The following COPZ2 variants were observed in gnomAD, a reference collection of about 807,000 sequenced individuals.
COPZ2 encodes coat protein complex I subunit zeta 2.
COPZ2 carries 30 observed loss-of-function variants against 33.2 expected under a neutral mutation model. The observed-to-expected ratio is 0.90, with a 90% confidence interval of 0.68 to 1.23. The LOEUF (loss-of-function observed/expected upper bound fraction) is 1.23. Ranked by LOEUF, COPZ2 falls within the 50% of genes most tolerant of loss-of-function variation. The pLI, the probability that COPZ2 is intolerant of heterozygous loss-of-function variation, is 0.00. For synonymous variants in COPZ2, 89 were observed against 102.6 expected (o/e 0.87, Z 0.80); for missense variants, 263 against 262.4 (o/e 1.00, Z -0.02).
intron 5 of COPZ2, 95 bp from the exon 6 acceptor site, chr17:48,032,328 C>G (rs1297118779): frequency 3.0e-6 from 3 of 1,013,370 alleles, no homozygotes; most frequent in Non-Finnish European, 3.0e-6. Flanking sequence ...AAGACTGCCT[C>G]ATTCACCCCT....
upstream of COPZ2, among the ~76,000 whole-genome samples, chr17:48,039,809 T>C (rs905513982): frequency 5.3e-5 from 8 of 152,134 alleles, no homozygotes; most frequent in Admixed American, 3.9e-4. Flanking sequence ...GGTGTGATCA[T>C]AGTTCACCGC....
At chr17:48,032,097 G>A in intron 6 of COPZ2, 59 bp downstream of exon 6, 1 of 1,406,138 alleles carries the variant, frequency 7.1e-7, no homozygotes. Context: ...GTGCCATCTG[G>A]GGCTGATGAT....
intron 2 of COPZ2, 123 bp downstream of exon 2, chr17:48,036,728 G>C (rs984154356): frequency 2.5e-6 from 2 of 787,240 alleles, no homozygotes; most frequent in African/African-American, 3.4e-5. Flanking sequence ...AGGATGAGAA[G>C]GACCTCTGGA....
Position 48,028,710 on chromosome 17 carries a change from G to T in COPZ2, c.547-200C>A. 2 of 594,134 alleles carry T rather than the reference G, an allele frequency of 3.4e-6. No individual in the cohort carries two copies. The highest frequency in any genetic ancestry group is 5.7e-5 in the East Asian group (2 of 35,288). 36.8% of individuals were successfully genotyped at this position (594,134 alleles called of 1,614,324 possible). ...AGGACCTCTGGGATTGTGCTATGGT[G>T]CGTGGAGGGTGAGGGAAGATGGGAA... On this transcript the variant is annotated intron_variant, in intron 7 of 8. Coordinates refer to ENST00000621465, the MANE Select transcript of COPZ2 (RefSeq NM_016429.4). The surrounding 1 kb of genome is among the most constrained non-coding windows in gnomAD (Gnocchi z 4.5).
At chr17:48,039,148 ATTTTTTTAT>A (rs2037035599), upstream of COPZ2, among the ~76,000 whole-genome samples, 1 of 151,542 alleles carries the variant, frequency 6.6e-6, no homozygotes, top group Admixed American at 6.6e-5. Context: ...GTAATTTTTT[ATTTTTTTAT>A]TTTTTTTATT....
intron 6 of COPZ2, among the ~76,000 whole-genome samples, chr17:48,029,990 A>C (rs1225753893): frequency 6.8e-6 from 1 of 146,664 alleles, no homozygotes; most frequent in African/African-American, 2.5e-5. Flanking sequence ...TTTTTTTTTA[A>C]ATCTTCCCTT....
Position 48,037,238 on chromosome 17 carries a change from G to C in COPZ2, c.112-313C>G. On this transcript the variant is annotated intron_variant, in intron 1 of 8. Coordinates refer to ENST00000621465, the MANE Select transcript of COPZ2 (RefSeq NM_016429.4). The surrounding 1 kb of genome is among the most constrained non-coding windows in gnomAD (Gnocchi z 5.6). ...CGGAGTGTATCACAGAACCTGGGCC[G>C]GGGGGGACAGCGGGCCGAGCCTCCT... The C allele has an allele frequency of 7.0e-6, 4 of 572,564 alleles. No homozygotes were observed. The highest frequency in any genetic ancestry group is 3.1e-5 in the South Asian group (2 of 63,880). The allele number at this position is 572,564 out of a possible 1,614,324, so 35.5% of individuals were successfully genotyped here.
At position 48,028,413 on chromosome 17, in the gene COPZ2, C is replaced by T; in HGVS notation, c.585+59G>A. ...GGTCCCCCTAGGATGCTCTAGGATG[C>T]TCTGCTCCCCGTATCTCTCTAGACC... On this transcript the variant is annotated intron_variant, in intron 8 of 8. Coordinates refer to ENST00000621465, the MANE Select transcript of COPZ2 (RefSeq NM_016429.4). The surrounding 1 kb of genome is among the most constrained non-coding windows in gnomAD (Gnocchi z 4.5). 1 of 1,545,690 alleles carries T rather than the reference C, an allele frequency of 6.5e-7. No homozygotes were observed. Among genetic ancestry groups the T allele is most frequent in the Non-Finnish European group, 8.8e-7 (1 of 1,136,972 alleles).
intron 2 of COPZ2, among the ~76,000 whole-genome samples, chr17:48,035,418 T>C (rs891320357): frequency 1.3e-5 from 2 of 152,180 alleles, no homozygotes; most frequent in Admixed American, 6.6e-5. Flanking sequence ...TTTTTTGGGA[T>C]GGGGTCTCAC....
At chr17:48,040,391 C>T (rs2037050014), upstream of COPZ2, among the ~76,000 whole-genome samples, 1 of 150,318 alleles carries the variant, frequency 6.7e-6, no homozygotes, top group African/African-American at 2.5e-5. Context: ...TTGTCTTGTT[C>T]ACTGTGGAAT....
the COPZ2 span, among the ~76,000 whole-genome samples, chr17:48,044,403 C>CTTT: frequency 0.08 from 8,117 of 101,508 alleles, 533 homozygotes; most frequent in East Asian, 0.16. Context: ...CAATCTTTTG[C>CTTT]TTTTTTTTTT....
At position 48,026,329 on chromosome 17, in the gene COPZ2, T is replaced by TG. The variant is rs1263564517; in HGVS notation, c.*98dup. The TG allele has an allele frequency of 1.1e-6, 1 of 941,314 alleles. No individual in the cohort carries two copies. The highest frequency in any genetic ancestry group is 2.0e-5 in the Admixed American group (1 of 48,832). 58.3% of individuals were successfully genotyped at this position (941,314 alleles called of 1,614,324 possible). On this transcript the variant is annotated 3_prime_UTR_variant, in exon 9 of 9. Coordinates refer to ENST00000621465, the MANE Select transcript of COPZ2 (RefSeq NM_016429.4). ...TTAGGAGTCAGTTCTGGGAGGGACCTGGGGATACAGAGGGGTCTCTCCTGA... is the reference window on the plus strand; with the variant it reads ...TTAGGAGTCAGTTCTGGGAGGGACCTGGGGGATACAGAGGGGTCTCTCCTGA...
chr17:48,042,175 C>T (rs563905728), upstream of COPZ2, among the ~76,000 whole-genome samples: 1 of 152,022 alleles, frequency 6.6e-6, no homozygotes, highest in South Asian at 2.1e-4. Context: ...CTCTTGTTGC[C>T]CAGGCTGGAG....
intron 6 of COPZ2, among the ~76,000 whole-genome samples, chr17:48,030,687 C>T (rs549789793): frequency 1.3e-5 from 2 of 152,364 alleles, no homozygotes; most frequent in East Asian, 1.9e-4. Context: ...CCAGTTTAGG[C>T]GTTGCCTCCC....
At chr17:48,042,464 ATCTTT>A (rs1352115477), upstream of COPZ2, among the ~76,000 whole-genome samples, 6 of 136,976 alleles carry the variant, frequency 4.4e-5, no homozygotes, top group African/African-American at 1.4e-4. Context: ...ATCTCTTTAC[ATCTTT>A]TCTTTTTTTT....
At chr17:48,035,885 C>A (rs774897154) in intron 2 of COPZ2, among the ~76,000 whole-genome samples, 22 of 151,506 alleles carry the variant, frequency 1.5e-4, no homozygotes, top group Non-Finnish European at 2.5e-4. Flanking sequence ...TCTCGAGTAG[C>A]TGGGATTACA....
intron 6 of COPZ2, among the ~76,000 whole-genome samples, chr17:48,029,840 A>G (rs1424495236): frequency 6.6e-6 from 1 of 152,010 alleles, no homozygotes; most frequent in Non-Finnish European, 1.5e-5. Context: ...ATGGTGGCAC[A>G]CATTGTAATT....
chr17:48,033,864 C>A lies in COPZ2; in HGVS notation c.267G>T (p.Glu89Asp). 2 of 1,605,442 alleles carry A rather than the reference C, an allele frequency of 1.2e-6. No homozygotes were observed. Among genetic ancestry groups the A allele is most frequent in the South Asian group, 2.2e-5 (2 of 89,468 alleles). Residue 89 changes from glutamate (E) to aspartate (D), a missense_variant and splice_region_variant, in exon 3 of 9, where the codon GAG (glutamate) becomes GAT (aspartate). Coordinates refer to ENST00000621465, the MANE Select transcript of COPZ2 (RefSeq NM_016429.4). ...CTGGAGGAAGAGGGGGACACTTACT[C>A]TCAGTCCGGCTGGTCTTGTTGAAGA... Reference protein sequence around the residue: ...KNVFNKTSRTESEIAFFGGMT... With the variant: ...KNVFNKTSRTDSEIAFFGGMT...
At chr17:48,043,163 C>T in the COPZ2 span, among the ~76,000 whole-genome samples, 6 of 152,324 alleles carry the variant, frequency 3.9e-5, no homozygotes, top group East Asian at 1.9e-4. Context: ...CTACTCCCTT[C>T]GGGTAGGCAC....
Sources: gnomAD v4.1 joint callset for allele counts (sites outside exome capture counted in the v4.1 genomes callset) on GRCh38, gnomAD v4.1.1 for gene constraint, Gnocchi (gnomAD v3.1) non-coding constraint, MANE v1.5 for transcripts, NCBI Gene and HGNC (gene_info 2026-07-23, HGNC 2026-07-21) for gene names.